The following OSBPL10 variants were observed in gnomAD, a reference collection of about 807,000 sequenced individuals.
OSBPL10 encodes the protein oxysterol binding protein like 10.
A neutral mutation model predicts 81.7 loss-of-function variants in OSBPL10; 49 were observed. The observed-to-expected ratio is 0.60, with a 90% CI of 0.48 to 0.76. OSBPL10 has a LOEUF of 0.76. OSBPL10 is among the 30% of genes least tolerant of loss of function. The pLI is 0.00. For synonymous variants in OSBPL10, 419 were observed against 383.6 expected (o/e 1.09, Z -1.08); for missense variants, 923 against 987.8 (o/e 0.93, Z 0.88).
At chr3:31,806,795 G>T (rs1699532260) in intron 4 of OSBPL10, among the ~76,000 whole-genome samples, 1 of 151,790 alleles carries the variant, frequency 6.6e-6, no homozygotes, top group Non-Finnish European at 1.5e-5. Flanking sequence ...AAGTTGGGGG[G>T]TGGGGGGAGC....
At chr3:31,730,106 G>A (rs1050056481) in intron 6 of OSBPL10, among the ~76,000 whole-genome samples, 21 of 152,194 alleles carry the variant, frequency 1.4e-4, no homozygotes, top group African/African-American at 5.1e-4. Flanking sequence ...ACTTTGGGAG[G>A]TCAAGGCAGG....
At chr3:32,052,830 AT>A (rs762824541) in intron 1 of OSBPL10, among the ~76,000 whole-genome samples, 12 of 152,160 alleles carry the variant, frequency 7.9e-5, no homozygotes, top group Admixed American at 4.6e-4. Flanking sequence ...GAGGGAGAGA[AT>A]TAGGACAAAT....
intron 4 of OSBPL10, among the ~76,000 whole-genome samples, chr3:31,768,311 A>AC (rs760685981): frequency 7.2e-5 from 11 of 152,128 alleles, no homozygotes; most frequent in Non-Finnish European, 1.6e-4. Context: ...TGCGACCCAT[A>AC]CCTTGCAAAA....
intron 2 of OSBPL10, among the ~76,000 whole-genome samples, chr3:32,045,697 G>A (rs964091211): frequency 1.1e-4 from 17 of 152,174 alleles, no homozygotes; most frequent in African/African-American, 3.4e-4. Flanking sequence ...GGGGGAGGGG[G>A]TGGCTCACAA....
At chr3:32,069,666 A>G (rs577394291) in intron 1 of OSBPL10, among the ~76,000 whole-genome samples, 1 of 152,322 alleles carries the variant, frequency 6.6e-6, no homozygotes, top group East Asian at 1.9e-4. Flanking sequence ...CCGGCCCTCA[A>G]ACCCCACAAC....
chr3:31,665,240 C>G (rs559164692), intron 10 of OSBPL10, among the ~76,000 whole-genome samples: 4 of 152,170 alleles, frequency 2.6e-5, no homozygotes, highest in African/African-American at 9.7e-5. Context: ...CATGATAAAT[C>G]AGGACACCAC....
intron 3 of OSBPL10, among the ~76,000 whole-genome samples, chr3:31,841,437 G>A (rs1045937983): frequency 6.6e-6 from 1 of 152,178 alleles, no homozygotes; most frequent in South Asian, 2.1e-4. Flanking sequence ...CAGTATTTGT[G>A]GTTTAGGCAC....
chr3:31,691,656 AG>A (rs1695555250), intron 7 of OSBPL10, among the ~76,000 whole-genome samples: 1 of 152,144 alleles, frequency 6.6e-6, no homozygotes, highest in African/African-American at 2.4e-5. Context: ...ACTTGAGCCC[AG>A]GACTTTCTGG....
At position 31,928,318 on chromosome 3, in the gene OSBPL10, C is replaced by T. The variant is rs541791202; in HGVS notation, c.282-48488G>A. On this transcript the variant is annotated intron_variant, in intron 1 of 11. Coordinates refer to ENST00000396556, the MANE Select transcript of OSBPL10 (RefSeq NM_017784.5). ...AACCTGCCTGGAAAAAAACAATCCACTAATTGACAGTTTCAAGAATGACTC... is the reference window on the plus strand; with the variant it reads ...AACCTGCCTGGAAAAAAACAATCCATTAATTGACAGTTTCAAGAATGACTC... Among the ~76,000 whole-genome samples, 5 of 152,278 alleles carry T rather than the reference C, an allele frequency of 3.3e-5. No homozygotes were observed. In the East Asian group the frequency reaches 9.6e-4, roughly 29 times the overall value.
intron 3 of OSBPL10, among the ~76,000 whole-genome samples, chr3:31,845,600 G>C (rs1700609063): frequency 6.6e-6 from 1 of 152,146 alleles, no homozygotes; most frequent in Non-Finnish European, 1.5e-5. Flanking sequence ...ATTACACACA[G>C]AGCAGAATCC....
chr3:31,817,315 G>C (rs960360037), intron 4 of OSBPL10, among the ~76,000 whole-genome samples: 5 of 152,176 alleles, frequency 3.3e-5, no homozygotes, highest in Admixed American at 6.5e-5. Flanking sequence ...CCCAAACCCT[G>C]CTCCAGGATT....
At chr3:31,748,544 T>C (rs1043968284) in intron 4 of OSBPL10, among the ~76,000 whole-genome samples, 3 of 151,506 alleles carry the variant, frequency 2.0e-5, no homozygotes, top group African/African-American at 7.3e-5. Flanking sequence ...TCTTTGCTAG[T>C]CCTGTTCAGA....
At chr3:31,842,952 T>C (rs897070279) in intron 3 of OSBPL10, among the ~76,000 whole-genome samples, 2 of 152,178 alleles carry the variant, frequency 1.3e-5, no homozygotes, top group Non-Finnish European at 2.9e-5. Flanking sequence ...TAGGTTTAGA[T>C]ACAGGAGGTG....
chr3:31,733,902 C>T (rs895605216), intron 5 of OSBPL10, among the ~76,000 whole-genome samples: 2 of 151,474 alleles, frequency 1.3e-5, no homozygotes, highest in Non-Finnish European at 2.9e-5. Flanking sequence ...CCCAGCTACT[C>T]GGGAGGCTGA....
At chr3:31,723,257 G>T (rs528630480) in intron 6 of OSBPL10, among the ~76,000 whole-genome samples, 1 of 152,274 alleles carries the variant, frequency 6.6e-6, no homozygotes, top group South Asian at 2.1e-4. Flanking sequence ...ACTGTTATCT[G>T]AGAGAGAGAA....
chr3:31,857,636 G>T (rs1700945038), intron 3 of OSBPL10, among the ~76,000 whole-genome samples: 1 of 150,078 alleles, frequency 6.7e-6, no homozygotes, highest in African/African-American at 2.5e-5. Flanking sequence ...ACTGACCAAT[G>T]CAAAAGATGA....
intron 1 of OSBPL10, among the ~76,000 whole-genome samples, chr3:31,951,247 A>C (rs1182971417): frequency 1.3e-5 from 2 of 152,174 alleles, no homozygotes; most frequent in Non-Finnish European, 2.9e-5. Context: ...CAATAACGGG[A>C]ATCAATTTTG....
rs146736898 is a variant in OSBPL10 at position 31,737,702 on chromosome 3, T to C, written c.941-4291A>G. On this transcript the variant is annotated intron_variant, in intron 5 of 11. Coordinates refer to ENST00000396556, the MANE Select transcript of OSBPL10 (RefSeq NM_017784.5). The stretch of plus-strand genomic sequence containing the variant: ...ATGACAATCATGAGGCAGAAGACAA[T>C]AGAGAAAAGCTGGGTGCAGTGGCTC... Among the ~76,000 whole-genome samples, 466 of 151,838 alleles carry C rather than the reference T, an allele frequency of 3.1e-3. 2 individuals are homozygous for C. Among genetic ancestry groups the C allele is most frequent in the African/African-American group, 0.011 (442 of 41,418 alleles).
intron 6 of OSBPL10, among the ~76,000 whole-genome samples, chr3:31,726,261 G>A (rs1490358415): frequency 6.6e-6 from 1 of 152,004 alleles, no homozygotes; most frequent in African/African-American, 2.4e-5. Flanking sequence ...GAGATAACAG[G>A]GGGAGTGTAC....
Sources: gnomAD v4.1 joint callset for allele counts (sites outside exome capture counted in the v4.1 genomes callset) on GRCh38, gnomAD v4.1.1 for gene constraint, MANE v1.5 for transcripts, NCBI Gene and HGNC (gene_info 2026-07-23, HGNC 2026-07-21) for gene names.